SH3BP4: variants seen among roughly 807,000 people sequenced by gnomAD.
SH3BP4 encodes SH3 domain-binding protein 4.
In SH3BP4, 33 loss-of-function variants were observed where a neutral mutation model predicts 65.5. The observed-to-expected ratio is 0.50, with a 90% CI of 0.38 to 0.67. The LOEUF is 0.67. SH3BP4 is among the 30% of genes least tolerant of loss of function. The pLI, the probability that SH3BP4 is intolerant of heterozygous loss-of-function variation, is 0.00. For synonymous variants in SH3BP4, 552 were observed against 545.5 expected (o/e 1.01, Z -0.17); for missense variants, 1,134 against 1,261.4 (o/e 0.90, Z 1.53).
At chr2:235,036,616 A>G (rs879805970) in intron 3 of SH3BP4, among the ~76,000 whole-genome samples, 5 of 151,900 alleles carry the variant, frequency 3.3e-5, no homozygotes, top group African/African-American at 7.3e-5. Context: ...TTAGCCAGGC[A>G]TGGTGGAGCG....
At chr2:234,993,997 T>A (rs1162620435) in intron 1 of SH3BP4, among the ~76,000 whole-genome samples, 1 of 152,226 alleles carries the variant, frequency 6.6e-6, no homozygotes, top group Non-Finnish European at 1.5e-5. Flanking sequence ...GTTGCGGCCT[T>A]TTTCGTAGCG....
chr2:235,001,144 T>C (rs1228108725), intron 2 of SH3BP4, among the ~76,000 whole-genome samples: 2 of 152,216 alleles, frequency 1.3e-5, no homozygotes, highest in Non-Finnish European at 2.9e-5. Flanking sequence ...TCTGCTGCTC[T>C]TCCCGGCCTT....
chr2:234,994,395 A>C (rs1362843964), intron 1 of SH3BP4: 1 of 152,270 alleles, frequency 6.6e-6, no homozygotes, highest in Admixed American at 6.5e-5. Flanking sequence ...GAAGGTGTCC[A>C]GAAGGAAGTT....
intron 3 of SH3BP4, among the ~76,000 whole-genome samples, chr2:235,036,498 G>A (rs1292904698): frequency 6.6e-6 from 1 of 152,108 alleles, no homozygotes; most frequent in East Asian, 1.9e-4. Flanking sequence ...GCTCACGCCT[G>A]TAATCCCAGC....
intron 1 of SH3BP4, among the ~76,000 whole-genome samples, chr2:234,956,456 A>C (rs1692587652): frequency 6.6e-6 from 1 of 152,200 alleles, no homozygotes. Context: ...GAAGCCTGTT[A>C]GCCCAACTCT....
At chr2:234,972,658 C>G (rs1693035652) in intron 1 of SH3BP4, among the ~76,000 whole-genome samples, 1 of 152,064 alleles carries the variant, frequency 6.6e-6, no homozygotes, top group Non-Finnish European at 1.5e-5. Context: ...CCCAGGAGGT[C>G]AAGCCTGCAG....
At chr2:234,970,661 G>A (rs974651429) in intron 1 of SH3BP4, among the ~76,000 whole-genome samples, 4 of 152,282 alleles carry the variant, frequency 2.6e-5, no homozygotes, top group East Asian at 3.9e-4. Flanking sequence ...CCCTCGGGGC[G>A]CCCGCCTTGC....
chr2:235,033,087 G>C lies in SH3BP4; in HGVS notation c.-132-1784G>C, dbSNP rs1462136621. On this transcript the variant is annotated intron_variant, in intron 2 of 5. Transcript: ENST00000392011. The surrounding 1 kb of genome is among the most constrained non-coding windows in gnomAD (Gnocchi z 5.7). The stretch of plus-strand genomic sequence containing the variant: ...TCAGGTAGGTGTTTTTTAAGGGAAG[G>C]GCCCCCAGCAGGGCAGCTCTGCCGC... Among the ~76,000 whole-genome samples, 2 of 152,130 alleles carry C rather than the reference G, an allele frequency of 1.3e-5. No individual in the cohort carries two copies. The highest frequency in any genetic ancestry group is 2.9e-5 in the Non-Finnish European group (2 of 67,998).
rs185363002 is a variant in SH3BP4 at position 235,054,977 on chromosome 2, T to C, written c.*1161T>C. 9 of 152,300 alleles carry C rather than the reference T, an allele frequency of 5.9e-5. No homozygotes were observed. The highest frequency in any genetic ancestry group is 8.8e-5 in the Non-Finnish European group (6 of 68,024). The allele number at this position is 152,300 out of a possible 1,614,324, so 9.4% of individuals were successfully genotyped here. On this transcript the variant is annotated 3_prime_UTR_variant, in exon 6 of 6. Transcript: ENST00000392011. ...TTAGATGAAACCATTTTTTGTACAA[T>C]GTAAAGATCATCTGAGCAAGATGAG...
At position 235,046,984 on chromosome 2, in the gene SH3BP4, C is replaced by T. The variant is rs1285050403; in HGVS notation, c.2478+3737C>T. Among the ~76,000 whole-genome samples the T allele has an allele frequency of 6.6e-6, 1 of 152,198 alleles. No individual in the cohort carries two copies. The highest frequency in any genetic ancestry group is 1.5e-5 in the Non-Finnish European group (1 of 68,040). On this transcript the variant is annotated intron_variant, in intron 4 of 5. Transcript: ENST00000392011. This position sits in a 1 kb window ranked among gnomAD's most constrained non-coding sequence, Gnocchi z 4.2. Reference sequence around the variant, plus strand: ...GAGCACCCCTCTGTCCTGGCCACTTCTCTCCCACCAGAGCCTCTGTCCGTG... The same window carrying T: ...GAGCACCCCTCTGTCCTGGCCACTTTTCTCCCACCAGAGCCTCTGTCCGTG...
At chr2:235,040,613 T>C (rs1695600967) in intron 3 of SH3BP4, among the ~76,000 whole-genome samples, 1 of 151,842 alleles carries the variant, frequency 6.6e-6, no homozygotes, top group Admixed American at 6.6e-5. Context: ...AATATTCCAT[T>C]GCACTGATTT....
intron 4 of SH3BP4, 25 bp downstream of exon 4, chr2:235,043,272 C>G (rs368988026): frequency 9.2e-6 from 14 of 1,524,976 alleles, no homozygotes; most frequent in Non-Finnish European, 1.2e-5. Context: ...GGTGCCTGGG[C>G]GTTCAGGGGT....
At chr2:235,044,086 G>A (rs975305268) in intron 4 of SH3BP4, among the ~76,000 whole-genome samples, 2 of 152,226 alleles carry the variant, frequency 1.3e-5, no homozygotes, top group African/African-American at 4.8e-5. Flanking sequence ...AGAGTCCCAC[G>A]AACCGCTGCC....
intron 1 of SH3BP4, among the ~76,000 whole-genome samples, chr2:234,986,100 A>ACCAGCCCTTAATATAC (rs1559232917): frequency 8.2e-5 from 10 of 122,338 alleles, no homozygotes; most frequent in African/African-American, 3.3e-4. Context: ...CCTTGACACA[A>ACCAGCCCTTAATATAC]ACCTATGAGC....
intron 2 of SH3BP4, among the ~76,000 whole-genome samples, chr2:235,001,397 G>T (rs1230657233): frequency 6.6e-6 from 1 of 152,166 alleles, no homozygotes; most frequent in Non-Finnish European, 1.5e-5. Context: ...CAAGCCTATC[G>T]CACTTGGAGA....
chr2:234,994,054 G>A (rs1693836961), intron 1 of SH3BP4, among the ~76,000 whole-genome samples: 1 of 152,186 alleles, frequency 6.6e-6, no homozygotes, highest in Non-Finnish European at 1.5e-5. Context: ...CACATCGCTT[G>A]TACCCTTAGA....
rs1303223830 is a variant in SH3BP4 at position 234,991,576 on chromosome 2, C to A, written c.-206-3727C>A. Among the ~76,000 whole-genome samples the A allele has an allele frequency of 1.3e-5, 2 of 152,236 alleles. No individual in the cohort carries two copies. Among genetic ancestry groups the A allele is most frequent in the Non-Finnish European group, 1.5e-5 (1 of 68,048 alleles). On this transcript the variant is annotated intron_variant, in intron 1 of 5. Coordinates refer to ENST00000392011, the MANE Select transcript of SH3BP4 (RefSeq NM_014521.3). The surrounding 1 kb of genome is among the most constrained non-coding windows in gnomAD (Gnocchi z 4.2). ...TTTCTGCTAATTCCATCCACCCACG[C>A]TAAACCGTGTGGTTTTCTTGGGGCC...
At chr2:235,023,949 C>T (rs893949024) in intron 2 of SH3BP4, among the ~76,000 whole-genome samples, 6 of 152,122 alleles carry the variant, frequency 3.9e-5, no homozygotes. Flanking sequence ...CTTTGATTTC[C>T]TAAAGACGGG....
intron 4 of SH3BP4, among the ~76,000 whole-genome samples, chr2:235,050,070 G>C (rs920886065): frequency 6.6e-6 from 1 of 152,156 alleles, no homozygotes; most frequent in African/African-American, 2.4e-5. Context: ...TCTGGGGAGC[G>C]GAGGAGCTGA....
Sources: gnomAD v4.1 joint callset for allele counts (sites outside exome capture counted in the v4.1 genomes callset) on GRCh38, gnomAD v4.1.1 for gene constraint, Gnocchi (gnomAD v3.1) non-coding constraint, MANE v1.5 for transcripts, NCBI Gene and HGNC (gene_info 2026-07-23, HGNC 2026-07-21) for gene names.